The following VEZT variants were observed in gnomAD, a reference collection of about 807,000 sequenced individuals.
VEZT encodes vezatin.
VEZT carries 39 observed loss-of-function variants against 79.9 expected under a neutral mutation model. The observed-to-expected ratio is 0.49, with a 90% CI of 0.38 to 0.64. The LOEUF is 0.64. Ranked by LOEUF, VEZT falls within the 30% of genes least tolerant of loss-of-function variation. VEZT has a pLI of 0.00. For missense variants in VEZT, 837 were observed against 893.1 expected (o/e 0.94, Z 0.80); for synonymous variants, 325 against 327.6 (o/e 0.99, Z 0.09).
chr12:95,241,385 C>T lies in VEZT; in HGVS notation c.37-10555C>T, dbSNP rs534204896. On this transcript the variant is annotated intron_variant, in intron 1 of 11. Transcript: ENST00000436874. The stretch of plus-strand genomic sequence containing the variant: ...GAGACGAGTCTTGCATGGCTTACTG[C>T]AGCCTTGACTCCAGGCTCAAGCAAT... Among the ~76,000 whole-genome samples the T allele has an allele frequency of 1.6e-4, 24 of 152,138 alleles. No homozygotes were observed. In the South Asian group the frequency reaches 5.0e-3, roughly 32 times the overall value.
rs577154976 is a variant in VEZT at position 95,227,322 on chromosome 12, TAC to T, written c.36+9437_36+9438del. On this transcript the variant is annotated intron_variant, in intron 1 of 11. Coordinates refer to ENST00000436874, the MANE Select transcript of VEZT (RefSeq NM_017599.4). ...ACTACAGGCATGTGCCATCATGCCCTACTAATTTTTTCTTTTTTTTTTTTTTT... is the reference window on the plus strand; with the variant it reads ...ACTACAGGCATGTGCCATCATGCCCTTAATTTTTTCTTTTTTTTTTTTTTT... Among the ~76,000 whole-genome samples the T allele has an allele frequency of 2.9e-3, 410 of 139,708 alleles. 1 individual carries two copies. Among genetic ancestry groups the T allele is most frequent in the African/African-American group, 9.8e-3 (353 of 36,072 alleles). The allele number at this position is 139,708 out of a possible 152,430, so 91.7% of individuals were successfully genotyped here.
intron 1 of VEZT, among the ~76,000 whole-genome samples, chr12:95,250,883 A>C (rs1414262068): frequency 6.6e-6 from 1 of 152,188 alleles, no homozygotes. Context: ...AATTTTCATA[A>C]GAACTCTATG....
chr12:95,288,514 T>C (rs2071607342), intron 9 of VEZT, among the ~76,000 whole-genome samples: 1 of 152,196 alleles, frequency 6.6e-6, no homozygotes, highest in Non-Finnish European at 1.5e-5. Flanking sequence ...CAGTACCATA[T>C]TTATCTCTTG....
chr12:95,221,346 T>C (rs990341533), intron 1 of VEZT, among the ~76,000 whole-genome samples: 6 of 152,162 alleles, frequency 3.9e-5, no homozygotes, highest in African/African-American at 1.4e-4. Flanking sequence ...GGCAGATCAC[T>C]TGAGGCTAGG....
At chr12:95,227,751 C>G (rs78282576) in intron 1 of VEZT, among the ~76,000 whole-genome samples, 12,659 of 152,230 alleles carry the variant, frequency 0.083, 572 homozygotes, top group Middle Eastern at 0.12. Flanking sequence ...AACGACTGCA[C>G]CGGGCCTTAA....
At chr12:95,291,514 A>T (rs962154064) in intron 9 of VEZT, among the ~76,000 whole-genome samples, 7 of 152,218 alleles carry the variant, frequency 4.6e-5, no homozygotes, top group African/African-American at 9.6e-5. Flanking sequence ...CTTGCAGGCC[A>T]TATGGTGTCT....
At chr12:95,228,097 T>A (rs555843203) in intron 1 of VEZT, among the ~76,000 whole-genome samples, 1 of 152,232 alleles carries the variant, frequency 6.6e-6, no homozygotes, top group Non-Finnish European at 1.5e-5. Context: ...TGATTTCTTT[T>A]TCTCCTACTT....
chr12:95,256,646 C>G (rs772225733), intron 2 of VEZT: 2 of 1,242,292 alleles, frequency 1.6e-6, no homozygotes, highest in South Asian at 1.3e-5. Context: ...TTGGTTGATT[C>G]AGTAGTAAAG....
At chr12:95,224,497 C>T (rs375570769) in intron 1 of VEZT, among the ~76,000 whole-genome samples, 23 of 152,122 alleles carry the variant, frequency 1.5e-4, no homozygotes, top group East Asian at 1.4e-3. Context: ...ACTCTTATCA[C>T]GGGATTCTTC....
intron 5 of VEZT, among the ~76,000 whole-genome samples, chr12:95,268,948 T>G (rs2066077277): frequency 6.6e-6 from 1 of 152,224 alleles, no homozygotes; most frequent in South Asian, 2.1e-4. Context: ...TCACAAATAA[T>G]TGAAACCTTT....
chr12:95,271,550 C>T (rs988733539), intron 6 of VEZT, among the ~76,000 whole-genome samples: 1 of 152,078 alleles, frequency 6.6e-6, no homozygotes, highest in Non-Finnish European at 1.5e-5. Flanking sequence ...GTCTGCATTC[C>T]AGATAGAAGG....
In VEZT at chr12:95,282,467, C is replaced by T; in HGVS notation, c.1151C>T (p.Ala384Val). The T allele has an allele frequency of 6.2e-7, 1 of 1,613,952 alleles. No individual in the cohort carries two copies. Among genetic ancestry groups the T allele is most frequent in the Non-Finnish European group, 8.5e-7 (1 of 1,179,890 alleles). Residue 384 changes from alanine to valine, a missense_variant, in exon 8 of 12, where the codon GCT becomes GTT. By Grantham distance (64) the Ala-to-Val change is moderately conservative. Transcript: ENST00000436874. The part of the protein sequence containing the change: ...LSDVTQGLPH[A>V]HSACLEELKR... The stretch of plus-strand genomic sequence containing the variant: ...GATGTGACTCAAGGTCTACCTCATG[C>T]TCATTCTGCCTGTTTGGAAGAGCTT...
intron 7 of VEZT, among the ~76,000 whole-genome samples, chr12:95,275,388 T>G (rs2067452793): frequency 6.6e-6 from 1 of 152,108 alleles, no homozygotes. Context: ...TCACCTGAGC[T>G]CAGGAGTTCG....
At chr12:95,260,096 C>CA (rs2064132423) in intron 3 of VEZT, among the ~76,000 whole-genome samples, 1 of 130,324 alleles carries the variant, frequency 7.7e-6, no homozygotes. Context: ...GTTGGTTGAT[C>CA]ACTTTTTTTT....
At chr12:95,273,783 CAA>C (rs1312946918) in intron 6 of VEZT, among the ~76,000 whole-genome samples, 3 of 151,778 alleles carry the variant, frequency 2.0e-5, no homozygotes, top group Non-Finnish European at 4.4e-5. Flanking sequence ...AGTGGAGAAA[CAA>C]AATGTTTAAA....
At chr12:95,244,195 C>A (rs1190905241) in intron 1 of VEZT, among the ~76,000 whole-genome samples, 1 of 151,746 alleles carries the variant, frequency 6.6e-6, no homozygotes, top group Non-Finnish European at 1.5e-5. Flanking sequence ...GGGTTGGAGA[C>A]CAGCCTGGGC....
At chr12:95,285,206 G>A (rs1424009012) in intron 8 of VEZT, among the ~76,000 whole-genome samples, 1 of 152,044 alleles carries the variant, frequency 6.6e-6, no homozygotes, top group Non-Finnish European at 1.5e-5. Context: ...TACTTTGGGA[G>A]GCCAACTAGA....
At chr12:95,259,640 A>G (rs778183875) in intron 3 of VEZT, among the ~76,000 whole-genome samples, 5 of 152,214 alleles carry the variant, frequency 3.3e-5, no homozygotes. Context: ...TACATAGTAC[A>G]CATCCCAGGA....
At chr12:95,280,398 A>T (rs1288067328) in intron 7 of VEZT, among the ~76,000 whole-genome samples, 1 of 151,638 alleles carries the variant, frequency 6.6e-6, no homozygotes, top group Admixed American at 6.6e-5. Flanking sequence ...ACACTTTTAG[A>T]GACCTCCCCA....
Sources: allele counts gnomAD v4.1 joint callset (sites outside exome capture counted in the v4.1 genomes callset), GRCh38; gene constraint gnomAD v4.1.1; transcripts MANE v1.5; gene names NCBI Gene and HGNC (gene_info 2026-07-23, HGNC 2026-07-21).